SPAG16: variants seen among roughly 807,000 people sequenced by gnomAD.
SPAG16 encodes the protein sperm-associated antigen 16 protein.
A neutral mutation model predicts 80.4 loss-of-function variants in SPAG16; 86 were observed. That is an observed-to-expected ratio of 1.07 (90% confidence interval 0.90 to 1.28). The LOEUF (loss-of-function observed/expected upper bound fraction) is 1.28. Ranked by LOEUF, SPAG16 falls within the 50% of genes most tolerant of loss-of-function variation. SPAG16 has a pLI of 0.00. For synonymous variants in SPAG16, 294 were observed against 265.9 expected (o/e 1.11, Z -1.03); for missense variants, 870 against 765.3 (o/e 1.14, Z -1.61).
chr2:213,332,575 C>G (rs2064156178), intron 5 of SPAG16, among the ~76,000 whole-genome samples: 2 of 151,970 alleles, frequency 1.3e-5, no homozygotes, highest in Admixed American at 1.3e-4. Context: ...AAAGACACAT[C>G]TAAAAATAAA....
At chr2:213,501,453 C>T (rs1011550371) in intron 10 of SPAG16, among the ~76,000 whole-genome samples, 6 of 152,112 alleles carry the variant, frequency 3.9e-5, no homozygotes, top group East Asian at 1.9e-4. Context: ...AAAAAATATA[C>T]GTCTATGTCC....
At chr2:213,373,809 T>C (rs1209850210) in intron 8 of SPAG16, among the ~76,000 whole-genome samples, 1 of 152,184 alleles carries the variant, frequency 6.6e-6, no homozygotes, top group Non-Finnish European at 1.5e-5. Context: ...TACCTATGAG[T>C]TGTTTAGAAT....
intron 10 of SPAG16, among the ~76,000 whole-genome samples, chr2:213,840,581 A>C (rs554083587): frequency 1.4e-3 from 209 of 152,334 alleles, no homozygotes; most frequent in African/African-American, 4.9e-3. Flanking sequence ...GAGTAAGGTA[A>C]ATTCCATAAC....
At chr2:213,588,842 A>AAAAAAAAAAC (rs2060576291) in intron 10 of SPAG16, among the ~76,000 whole-genome samples, 2 of 141,608 alleles carry the variant, frequency 1.4e-5, no homozygotes, top group Non-Finnish European at 3.0e-5. Flanking sequence ...AAAAAAAAAA[A>AAAAAAAAAAC]AGACTCCCTA....
At position 213,634,695 on chromosome 2, in the gene SPAG16, C is replaced by T. The variant is rs189342973; in HGVS notation, c.1070+144605C>T. 1.8e-3 allele frequency among the ~76,000 whole-genome samples: 269 copies of T among 152,162 alleles called. 1 individual carries two copies. The highest frequency in any genetic ancestry group is 3.2e-3 in the Non-Finnish European group (217 of 67,980). On this transcript the variant is annotated intron_variant, in intron 10 of 15. Transcript: ENST00000331683. ...TGGTGATTTTTGAAATTTTGGTGCACCTATAACCCGAGCAGTGTACACTGT... is the reference window on the plus strand; with the variant it reads ...TGGTGATTTTTGAAATTTTGGTGCATCTATAACCCGAGCAGTGTACACTGT...
At chr2:213,971,265 A>G (rs911156165) in intron 12 of SPAG16, among the ~76,000 whole-genome samples, 4 of 152,138 alleles carry the variant, frequency 2.6e-5, no homozygotes, top group African/African-American at 9.7e-5. Flanking sequence ...AATCATAACT[A>G]TTGCATCATT....
chr2:213,429,087 A>T (rs945629503), intron 9 of SPAG16, among the ~76,000 whole-genome samples: 1 of 119,932 alleles, frequency 8.3e-6, no homozygotes, highest in African/African-American at 3.8e-5. Context: ...GTGAGACTCC[A>T]TCTCAAAAAA....
chr2:213,473,131 G>C (rs1420813679), intron 9 of SPAG16, among the ~76,000 whole-genome samples: 1 of 152,120 alleles, frequency 6.6e-6, no homozygotes, highest in African/African-American at 2.4e-5. Context: ...AAATTAAGTA[G>C]AAATACAGTA....
At position 214,149,234 on chromosome 2, in the gene SPAG16, G is replaced by A. The variant is rs762268969; in HGVS notation, c.1688G>A (p.Ser563Asn). ...ATTGTGTCCATCGATATAGGTCCAA[G>A]TCCTGGCAATGAGGTGAATTTTGAT... is the stretch of plus-strand genomic sequence containing the variant. ...LPIVSIDIGP[S>N]PGNEVNFDSS... Residue 563 changes from serine to asparagine, a missense_variant, in exon 15 of 16, where the codon AGT becomes AAT. Transcript: ENST00000331683. The A allele has an allele frequency of 1.0e-5, 16 of 1,591,776 alleles. No homozygotes were observed. The Admixed American group carries it at 2.5e-4, about 24-fold the overall frequency.
At chr2:214,017,350 T>TTG (rs2047642562) in intron 13 of SPAG16, among the ~76,000 whole-genome samples, 1 of 152,168 alleles carries the variant, frequency 6.6e-6, no homozygotes, top group Non-Finnish European at 1.5e-5. Context: ...AAAACTTAGA[T>TTG]GTGAAGTTTG....
At chr2:213,548,567 A>G (rs1031330541) in intron 10 of SPAG16, among the ~76,000 whole-genome samples, 3 of 152,198 alleles carry the variant, frequency 2.0e-5, no homozygotes, top group African/African-American at 4.8e-5. Context: ...TGCGTAATCA[A>G]ATACTCACGA....
chr2:213,589,296 A>G (rs2060595506), intron 10 of SPAG16, among the ~76,000 whole-genome samples: 4 of 152,242 alleles, frequency 2.6e-5, no homozygotes, highest in Admixed American at 2.6e-4. Flanking sequence ...TTATATAACC[A>G]GAAGTATAAG....
intron 5 of SPAG16, among the ~76,000 whole-genome samples, chr2:213,338,417 T>C (rs576345566): frequency 6.6e-6 from 1 of 152,076 alleles, no homozygotes; most frequent in Non-Finnish European, 1.5e-5. Flanking sequence ...AGATGCAGAG[T>C]GGCAAGCTGG....
intron 11 of SPAG16, among the ~76,000 whole-genome samples, chr2:213,869,646 GT>G (rs3046049): frequency 0.38 from 34,617 of 91,744 alleles, 4,030 homozygotes; most frequent in East Asian, 0.55. Flanking sequence ...GCTTTGAGTA[GT>G]TTTTTTTTTT....
intron 11 of SPAG16, among the ~76,000 whole-genome samples, chr2:213,911,235 T>C (rs1448808915): frequency 6.6e-6 from 1 of 152,186 alleles, no homozygotes; most frequent in African/African-American, 2.4e-5. Flanking sequence ...AACTTCCACC[T>C]CCCGGGCTCA....
intron 13 of SPAG16, among the ~76,000 whole-genome samples, chr2:214,059,765 T>G (rs761288521): frequency 2.0e-5 from 3 of 152,072 alleles, no homozygotes; most frequent in Non-Finnish European, 4.4e-5. Context: ...TTTTGCCATA[T>G]TTTCATTATA....
intron 10 of SPAG16, among the ~76,000 whole-genome samples, chr2:213,607,767 G>A (rs2061313367): frequency 6.6e-6 from 1 of 152,036 alleles, no homozygotes; most frequent in Admixed American, 6.6e-5. Context: ...TATCTAGGAG[G>A]GTTTCATTTT....
chr2:213,428,762 A>T (rs1289334909), intron 9 of SPAG16, among the ~76,000 whole-genome samples: 1 of 152,028 alleles, frequency 6.6e-6, no homozygotes, highest in Non-Finnish European at 1.5e-5. Context: ...TGCTCCCTTT[A>T]TTGGGTTGGG....
At chr2:214,250,829 C>T in intron 15 of SPAG16, among the ~76,000 whole-genome samples, 1 of 135,060 alleles carries the variant, frequency 7.4e-6, no homozygotes, top group South Asian at 2.4e-4. Flanking sequence ...AGAGTTTAAA[C>T]CAGAAGCACT....
Sources: allele counts gnomAD v4.1 joint callset (sites outside exome capture counted in the v4.1 genomes callset), GRCh38; gene constraint gnomAD v4.1.1; transcripts MANE v1.5; gene names NCBI Gene and HGNC (gene_info 2026-07-23, HGNC 2026-07-21).